Variants in HTR1E observed in about 807,000 individuals in gnomAD.
The protein encoded by HTR1E is 5-hydroxytryptamine receptor 1E, also known as 5-HT-1E.
A neutral mutation model predicts 3.4 loss-of-function variants in HTR1E; 3 were observed. The ratio of observed to expected loss-of-function variants is 0.89; its 90% confidence interval spans 0.41 to 2.31. The LOEUF is 2.31. Ranked by LOEUF, HTR1E falls within the 30% of genes most tolerant of loss-of-function variation. HTR1E has a pLI of 0.05. For missense variants in HTR1E, 392 were observed against 467.0 expected, an observed-to-expected ratio of 0.84 and a Z score of 1.48; for synonymous variants, 170 against 182.8, an observed-to-expected ratio of 0.93 and a Z score of 0.56.
chr6:86,962,284 G>A (rs565125387), intron 1 of HTR1E, among the ~76,000 whole-genome samples: 1 of 152,300 alleles, frequency 6.6e-6, no homozygotes, highest in African/African-American at 2.4e-5. Flanking sequence ...CAGAGATGCA[G>A]TGCAAATCAT....
chr6:86,947,672 A>G (rs545556600), intron 1 of HTR1E, among the ~76,000 whole-genome samples: 3 of 152,062 alleles, frequency 2.0e-5, no homozygotes, highest in South Asian at 4.2e-4. Flanking sequence ...TATGTTATAT[A>G]CTTTTCTTGT....
chr6:86,945,282 G>A (rs1024412621), intron 1 of HTR1E, among the ~76,000 whole-genome samples: 2 of 152,038 alleles, frequency 1.3e-5, no homozygotes, highest in Admixed American at 6.6e-5. Context: ...AGTCTCAGTC[G>A]CCCAGGCTGG....
At chr6:86,979,484 G>A (rs1026227937) in intron 1 of HTR1E, among the ~76,000 whole-genome samples, 1 of 152,330 alleles carries the variant, frequency 6.6e-6, no homozygotes, top group African/African-American at 2.4e-5. Flanking sequence ...TATTTTTTAA[G>A]TTTTGGCCTG....
At chr6:86,985,765 C>G (rs1767776398) in intron 1 of HTR1E, among the ~76,000 whole-genome samples, 1 of 152,118 alleles carries the variant, frequency 6.6e-6, no homozygotes, top group African/African-American at 2.4e-5. Flanking sequence ...TCCTTTAGCC[C>G]CAATTACCAG....
intron 1 of HTR1E, 120 bp downstream of exon 1, chr6:86,937,943 T>A (rs888344443): frequency 6.6e-6 from 1 of 152,626 alleles, no homozygotes; most frequent in Non-Finnish European, 1.5e-5. Flanking sequence ...GCGGCGGGAG[T>A]TGGGATGCGG....
chr6:86,944,822 T>C (rs1467486772), intron 1 of HTR1E, among the ~76,000 whole-genome samples: 1 of 152,172 alleles, frequency 6.6e-6, no homozygotes, highest in Non-Finnish European at 1.5e-5. Context: ...GCTATTGCAA[T>C]GTTGTTGTAG....
intron 1 of HTR1E, among the ~76,000 whole-genome samples, chr6:87,010,740 C>G (rs1452145249): frequency 6.8e-6 from 1 of 147,916 alleles, no homozygotes. Flanking sequence ...ACTTCCCAGA[C>G]GGGGTGGCGG....
intron 1 of HTR1E, among the ~76,000 whole-genome samples, chr6:86,956,884 G>C (rs1223576554): frequency 6.6e-6 from 1 of 152,112 alleles, no homozygotes; most frequent in South Asian, 2.1e-4. Context: ...AGTCTTATGA[G>C]AATAAAATGA....
chr6:87,012,172 A>G (rs1768248660), intron 1 of HTR1E, among the ~76,000 whole-genome samples: 1 of 152,170 alleles, frequency 6.6e-6, no homozygotes, highest in South Asian at 2.1e-4. Context: ...CTGTGCATGC[A>G]ACATCTGAAA....
intron 1 of HTR1E, among the ~76,000 whole-genome samples, chr6:86,991,346 T>C (rs1767867940): frequency 6.6e-6 from 1 of 152,164 alleles, no homozygotes. Context: ...TTTTCTTAAT[T>C]TTGAAAAATG....
At position 87,016,346 on chromosome 6, in the gene HTR1E, C is replaced by T; in HGVS notation, c.1012C>T (p.Leu338=). ...FLTWLGYVNS[L]INPLLYTSFN... is the part of the protein sequence containing the mutation. ...GACGTGGCTCGGTTATGTGAATTCT[C>T]TGATCAACCCTCTGCTCTATACGAG... is the stretch of plus-strand genomic sequence containing the variant. The change falls in exon 2 of 2, where the codon CTG becomes TTG. Residue 338 remains leucine (L), a synonymous_variant. Transcript: ENST00000305344. The T allele has an allele frequency of 1.2e-6, 2 of 1,614,208 alleles. No homozygotes were observed. The highest frequency in any genetic ancestry group is 1.7e-6 in the Non-Finnish European group (2 of 1,180,040).
At chr6:86,996,760 C>T (rs545908248) in intron 1 of HTR1E, among the ~76,000 whole-genome samples, 1 of 152,042 alleles carries the variant, frequency 6.6e-6, no homozygotes, top group East Asian at 1.9e-4. Flanking sequence ...CTTAAAACTC[C>T]TGAAAAAGTA....
chr6:86,948,791 A>G (rs1389430670), intron 1 of HTR1E, among the ~76,000 whole-genome samples: 1 of 152,172 alleles, frequency 6.6e-6, no homozygotes, highest in African/African-American at 2.4e-5. Context: ...ATTGGAATCA[A>G]TGAGGCTCAG....
chr6:86,954,168 A>T (rs977047475), intron 1 of HTR1E, among the ~76,000 whole-genome samples: 10 of 152,204 alleles, frequency 6.6e-5, no homozygotes, highest in Non-Finnish European at 1.2e-4. Context: ...GAAGTCAAAG[A>T]TAATTTGTAT....
At chr6:86,945,382 C>T (rs2127816125) in intron 1 of HTR1E, among the ~76,000 whole-genome samples, 1 of 152,200 alleles carries the variant, frequency 6.6e-6, no homozygotes, top group Admixed American at 6.5e-5. Context: ...GCTGGGATTA[C>T]AGGCACTCAC....
chr6:86,939,453 A>G (rs1394559373), intron 1 of HTR1E, among the ~76,000 whole-genome samples: 1 of 152,224 alleles, frequency 6.6e-6, no homozygotes, highest in African/African-American at 2.4e-5. Context: ...CTATTGTGTC[A>G]TCATCACCTG....
chr6:86,951,232 G>A (rs1767235602), intron 1 of HTR1E, among the ~76,000 whole-genome samples: 1 of 152,114 alleles, frequency 6.6e-6, no homozygotes, highest in African/African-American at 2.4e-5. Context: ...CTGTTTTGGC[G>A]GGATGCATTA....
chr6:86,970,015 A>G (rs1395842827), intron 1 of HTR1E, among the ~76,000 whole-genome samples: 1 of 152,200 alleles, frequency 6.6e-6, no homozygotes, highest in Admixed American at 6.5e-5. Flanking sequence ...GGAAACCAAT[A>G]TCATCCCTGG....
At position 87,016,030 on chromosome 6, in the gene HTR1E, T is replaced by G; in HGVS notation, c.696T>G (p.Ser232=). 5.6e-6 allele frequency: 9 copies of G among 1,614,198 alleles called. No individual in the cohort carries two copies. The highest frequency in any genetic ancestry group is 6.8e-6 in the Non-Finnish European group (8 of 1,180,044). Residue 232 remains serine, a synonymous_variant, in exon 2 of 2, where the codon TCT becomes TCG. Coordinates refer to ENST00000305344, the MANE Select transcript of HTR1E (RefSeq NM_000865.3). ...LSNRSTDSQN[S]FASCKLTQTF... is the part of the protein sequence containing the mutation. ...ACAGAAGCACAGATAGCCAGAATTC[T>G]TTTGCAAGTTGTAAACTTACACAGA...
Sources: gnomAD v4.1 joint callset for allele counts (sites outside exome capture counted in the v4.1 genomes callset) on GRCh38, gnomAD v4.1.1 for gene constraint, MANE v1.5 for transcripts, NCBI Gene and HGNC (gene_info 2026-07-23, HGNC 2026-07-21) for gene names.